Variants in CTBP2 observed in about 807,000 individuals in gnomAD.
CTBP2 encodes the protein C-terminal binding protein 2, also known as C-terminal-binding protein 2.
A neutral mutation model predicts 80.3 loss-of-function variants in CTBP2; 30 were observed. The observed-to-expected ratio is 0.37, with a 90% confidence interval of 0.28 to 0.51. The LOEUF (loss-of-function observed/expected upper bound fraction) is 0.51, where lower values mean the gene tolerates loss of function less well. CTBP2 is among the 20% of genes least tolerant of loss of function. The pLI, the probability that CTBP2 is intolerant of heterozygous loss-of-function variation, is 0.93. For synonymous variants in CTBP2, 594 were observed against 587.4 expected, an observed-to-expected ratio of 1.01 and a Z score of -0.16; for missense variants, 1,212 against 1,375.3, an observed-to-expected ratio of 0.88 and a Z score of 1.88.
chr10:125,022,397 G>A (rs540036588), intron 1 of CTBP2, among the ~76,000 whole-genome samples: 2 of 152,272 alleles, frequency 1.3e-5, no homozygotes, highest in Non-Finnish European at 2.9e-5. Flanking sequence ...CCACCTGGGA[G>A]CCCCAAACAT....
At chr10:125,083,122 C>A (rs555649770) in intron 2 of CTBP2, among the ~76,000 whole-genome samples, 2 of 152,184 alleles carry the variant, frequency 1.3e-5, no homozygotes, top group Non-Finnish European at 2.9e-5. Context: ...CTGCAGCCAG[C>A]GGCTGCTGCA....
At chr10:125,092,771 C>T (rs1370076019) in intron 2 of CTBP2, among the ~76,000 whole-genome samples, 5 of 152,198 alleles carry the variant, frequency 3.3e-5, no homozygotes, top group African/African-American at 1.2e-4. Context: ...TCTTCCAGAA[C>T]GTACCCAATG....
At chr10:125,116,540 A>G (rs943406177) in intron 1 of CTBP2, among the ~76,000 whole-genome samples, 1 of 152,176 alleles carries the variant, frequency 6.6e-6, no homozygotes, top group Admixed American at 6.5e-5. Context: ...CTGTATCAGA[A>G]GCCGAGCTAA....
At chr10:125,150,449 G>A (rs1205356569) in intron 1 of CTBP2, among the ~76,000 whole-genome samples, 1 of 152,264 alleles carries the variant, frequency 6.6e-6, no homozygotes, top group South Asian at 2.1e-4. Context: ...AGCTTGGGAG[G>A]AAAGAAGGAG....
intron 1 of CTBP2, among the ~76,000 whole-genome samples, chr10:125,015,192 C>T (rs60306160): frequency 0.26 from 39,642 of 152,058 alleles, 5,267 homozygotes; most frequent in African/African-American, 0.29. Context: ...TCTCAGGCAG[C>T]GGATTCACGC....
At chr10:125,098,614 C>A (rs985324146) in intron 2 of CTBP2, among the ~76,000 whole-genome samples, 7 of 138,514 alleles carry the variant, frequency 5.1e-5, no homozygotes, top group Admixed American at 4.5e-4. Context: ...AATGACGCAG[C>A]CTGGGGCTGC....
chr10:124,992,928 C>T, intron 7 of CTBP2, 116 bp from the exon 10 acceptor site: 1 of 935,744 alleles, frequency 1.1e-6, no homozygotes, highest in East Asian at 2.6e-5. Context: ...GTAGAACATC[C>T]AAAGGCCCAA....
intron 1 of CTBP2, among the ~76,000 whole-genome samples, chr10:125,125,592 G>C (rs991197654): frequency 6.6e-6 from 1 of 152,212 alleles, no homozygotes; most frequent in Non-Finnish European, 1.5e-5. Context: ...ATGGCTCCGA[G>C]TGAGTTAAGC....
intron 2 of CTBP2, among the ~76,000 whole-genome samples, chr10:125,061,691 C>A (rs372742829): frequency 2.0e-5 from 3 of 152,128 alleles, no homozygotes; most frequent in East Asian, 1.9e-4. Flanking sequence ...CCAGACGGAG[C>A]CCCCGTGCAG....
chr10:125,012,448 C>G (rs915002559), intron 1 of CTBP2, among the ~76,000 whole-genome samples: 1 of 152,158 alleles, frequency 6.6e-6, no homozygotes, highest in African/African-American at 2.4e-5. Context: ...AGTCCCCTGT[C>G]CAATAAACAG....
intron 4 of CTBP2, among the ~76,000 whole-genome samples, chr10:124,995,049 C>G (rs1953283974): frequency 6.6e-6 from 1 of 152,240 alleles, no homozygotes; most frequent in South Asian, 2.1e-4. Context: ...CTCCCCACTT[C>G]TTGTGTGCAC....
chr10:125,019,012 G>C (rs1490755020), intron 1 of CTBP2, among the ~76,000 whole-genome samples: 1 of 152,198 alleles, frequency 6.6e-6, no homozygotes, highest in Non-Finnish European at 1.5e-5. Context: ...TTTCTAGGTT[G>C]GATTTTTTGC....
Position 125,066,447 on chromosome 10 carries a change from T to C in CTBP2, c.-101-27292A>G, listed in dbSNP as rs544892603. ...GGGCAGGAACGGAAGGCAAGCAGGG[T>C]GCGCAGATGTAACGGGGGAAGCAGG... On this transcript the variant is annotated intron_variant, in intron 2 of 10. Transcript: ENST00000337195. The surrounding 1 kb of genome is among the most constrained non-coding windows in gnomAD (Gnocchi z 4.1). Among the ~76,000 whole-genome samples the C allele has an allele frequency of 1.3e-3, 199 of 151,858 alleles. 1 individual carries two copies. The highest frequency in any genetic ancestry group is 4.5e-3 in the African/African-American group (187 of 41,386).
chr10:125,144,904 G>A (rs1442106116), intron 1 of CTBP2, among the ~76,000 whole-genome samples: 1 of 152,276 alleles, frequency 6.6e-6, no homozygotes, highest in African/African-American at 2.4e-5. Flanking sequence ...ACACACTGCT[G>A]CCCGGTCAAG....
At chr10:125,048,587 G>A (rs1383370467) in intron 2 of CTBP2, among the ~76,000 whole-genome samples, 3 of 152,204 alleles carry the variant, frequency 2.0e-5, no homozygotes, top group Admixed American at 6.5e-5. Flanking sequence ...AGTGACTGGA[G>A]GTACAGGCCA....
At chr10:125,031,488 CAAAAAAAAAA>C (rs11463934), upstream of CTBP2, among the ~76,000 whole-genome samples, 545 of 33,742 alleles carry the variant, frequency 0.016, 15 homozygotes, top group African/African-American at 0.06. Flanking sequence ...GACTCCATTT[CAAAAAAAAAA>C]AAAAAAAAAA....
intron 2 of CTBP2, among the ~76,000 whole-genome samples, chr10:125,068,949 T>C (rs1564843198): frequency 6.6e-6 from 1 of 152,138 alleles, no homozygotes; most frequent in Non-Finnish European, 1.5e-5. Flanking sequence ...CACGCGACCT[T>C]AGACAACTTA....
chr10:125,040,375 A>G (rs893229389), intron 2 of CTBP2, among the ~76,000 whole-genome samples: 1 of 149,350 alleles, frequency 6.7e-6, no homozygotes, highest in African/African-American at 2.5e-5. Context: ...GAATCACGTG[A>G]ATCTGGGAGG....
chr10:125,050,237 C>G (rs930902559), intron 2 of CTBP2, among the ~76,000 whole-genome samples: 2 of 152,158 alleles, frequency 1.3e-5, no homozygotes, highest in African/African-American at 4.8e-5. Context: ...GCACCGGTAC[C>G]CTGTCTCCTG....
Sources: allele counts gnomAD v4.1 joint callset (sites outside exome capture counted in the v4.1 genomes callset), GRCh38; gene constraint gnomAD v4.1.1; non-coding constraint Gnocchi (gnomAD v3.1); transcripts MANE v1.5; gene names NCBI Gene and HGNC (gene_info 2026-07-23, HGNC 2026-07-21).